Variants in PLXNA4 observed in about 807,000 individuals in gnomAD.
PLXNA4 encodes plexin A4.
Under a neutral mutation model 191.8 loss-of-function variants are expected in PLXNA4, and 44 were observed. The observed-to-expected ratio is 0.23, with a 90% CI of 0.18 to 0.29. The LOEUF is 0.29. Ranked by LOEUF, PLXNA4 falls within the 10% of genes least tolerant of loss-of-function variation. PLXNA4 has a pLI of 1.00. For missense variants in PLXNA4, 1,800 were observed against 2,488.8 expected (o/e 0.72, Z 5.89); for synonymous variants, 1,082 against 1,009.5 (o/e 1.07, Z -1.36).
chr7:132,447,081 T>C (rs1180834369), intron 3 of PLXNA4, among the ~76,000 whole-genome samples: 1 of 152,202 alleles, frequency 6.6e-6, no homozygotes, highest in Non-Finnish European at 1.5e-5. Flanking sequence ...TCCTGACATC[T>C]GAAATTCAGC....
At chr7:132,489,192 G>T in intron 3 of PLXNA4, 100 bp downstream of exon 3, 1 of 1,265,008 alleles carries the variant, frequency 7.9e-7, no homozygotes, top group Non-Finnish European at 1.1e-6. Flanking sequence ...TGTATCACCT[G>T]CCCACACGCC....
intron 23 of PLXNA4, 114 bp from the exon 24 acceptor site, chr7:132,164,402 C>G: frequency 6.9e-7 from 1 of 1,446,986 alleles, no homozygotes; most frequent in South Asian, 1.4e-5. Flanking sequence ...TGCACCTGCC[C>G]CCACCTGCTT....
intron 3 of PLXNA4, among the ~76,000 whole-genome samples, chr7:132,443,848 G>GT (rs1485995466): frequency 6.6e-6 from 1 of 152,176 alleles, no homozygotes; most frequent in East Asian, 1.9e-4. Flanking sequence ...CAAAAAATGT[G>GT]TGCTTCCATT....
At chr7:132,388,747 C>T (rs1024072152) in intron 3 of PLXNA4, among the ~76,000 whole-genome samples, 3 of 152,206 alleles carry the variant, frequency 2.0e-5, no homozygotes, top group Non-Finnish European at 4.4e-5. Flanking sequence ...CAGAAACTGT[C>T]TCAACCTTTG....
intron 24 of PLXNA4, among the ~76,000 whole-genome samples, chr7:132,160,547 G>A (rs573755172): frequency 6.6e-6 from 1 of 152,326 alleles, no homozygotes; most frequent in African/African-American, 2.4e-5. Context: ...GACTGGAGGG[G>A]AACGGGGTGG....
At chr7:132,407,239 C>T (rs1794258297) in intron 3 of PLXNA4, among the ~76,000 whole-genome samples, 1 of 152,198 alleles carries the variant, frequency 6.6e-6, no homozygotes, top group African/African-American at 2.4e-5. Context: ...TTCTGGGACA[C>T]CCCACCCCTG....
At chr7:132,134,901 C>T (rs944240681) in intron 30 of PLXNA4, among the ~76,000 whole-genome samples, 15 of 152,146 alleles carry the variant, frequency 9.9e-5, no homozygotes, top group African/African-American at 2.7e-4. Flanking sequence ...CTGTTCTCTT[C>T]GAGGCCTGTG....
chr7:132,503,875 T>A (rs1798353230), intron 2 of PLXNA4, among the ~76,000 whole-genome samples: 1 of 152,086 alleles, frequency 6.6e-6, no homozygotes, highest in Non-Finnish European at 1.5e-5. Context: ...ACTAACCCAC[T>A]TGTTCTGGGA....
At chr7:132,360,477 A>T (rs1033323255) in intron 3 of PLXNA4, among the ~76,000 whole-genome samples, 3 of 152,248 alleles carry the variant, frequency 2.0e-5, no homozygotes, top group Admixed American at 2.0e-4. Context: ...CTAAAAATAC[A>T]GATCAGATAC....
At chr7:132,281,968 A>G (rs1800494425) in intron 4 of PLXNA4, among the ~76,000 whole-genome samples, 1 of 152,188 alleles carries the variant, frequency 6.6e-6, no homozygotes, top group South Asian at 2.1e-4. Context: ...AATTTGTTGT[A>G]GTATGTTGAA....
At chr7:132,599,974 G>T (rs12534648) in intron 2 of PLXNA4, among the ~76,000 whole-genome samples, 1 of 152,132 alleles carries the variant, frequency 6.6e-6, no homozygotes, top group East Asian at 1.9e-4. Flanking sequence ...AATACGATAA[G>T]TTATGTTAAT....
chr7:132,503,419 C>T (rs1294879703), intron 2 of PLXNA4, among the ~76,000 whole-genome samples: 2 of 152,232 alleles, frequency 1.3e-5, no homozygotes, highest in African/African-American at 4.8e-5. Flanking sequence ...TAACCCTATG[C>T]CTGGGGAATT....
Position 132,203,383 on chromosome 7 carries a change from C to T in PLXNA4, c.2335G>A (p.Val779Met), listed in dbSNP as rs771286720. ...CCATTCCACACGACTGTCAACTCCA[C>T]GGGCAGGTTGTTGATCTCCATCCCT... ...YEGMEINNLP[V>M]ELTVVWNGHF... The change falls in exon 11 of 32, where the codon GTG becomes ATG. Residue 779 changes from valine to methionine, a missense_variant. Val to Met is a conservative substitution (Grantham distance 21, BLOSUM62 1). Transcript: ENST00000321063. 37 of 1,614,020 alleles carry T rather than the reference C, an allele frequency of 2.3e-5. 1 individual carries two copies. Among genetic ancestry groups the T allele is most frequent in the Admixed American group, 6.7e-5 (4 of 60,008 alleles).
At chr7:132,206,833 A>G (rs1054621222) in intron 10 of PLXNA4, among the ~76,000 whole-genome samples, 1 of 152,114 alleles carries the variant, frequency 6.6e-6, no homozygotes, top group African/African-American at 2.4e-5. Context: ...GCATTTATAT[A>G]GCTCTCTGTA....
At chr7:132,180,497 A>G (rs779022318) in intron 19 of PLXNA4, 89 bp downstream of exon 19, 12 of 1,571,266 alleles carry the variant, frequency 7.6e-6, no homozygotes, top group Non-Finnish European at 9.5e-6. Flanking sequence ...TGTGGGACAG[A>G]ATCCCCTCTT....
intron 4 of PLXNA4, among the ~76,000 whole-genome samples, chr7:132,257,609 G>A (rs1799477535): frequency 6.6e-6 from 1 of 152,180 alleles, no homozygotes; most frequent in African/African-American, 2.4e-5. Flanking sequence ...ATCCTGTCTT[G>A]GGGCCAAGGG....
chr7:132,600,672 C>T (rs1802800875), intron 2 of PLXNA4, among the ~76,000 whole-genome samples: 2 of 152,184 alleles, frequency 1.3e-5, no homozygotes, highest in African/African-American at 4.8e-5. Flanking sequence ...GGCACCCTGC[C>T]TCTCATTTTT....
chr7:132,227,297 C>T (rs1798358634), intron 7 of PLXNA4, among the ~76,000 whole-genome samples, 154 bp downstream of exon 7: 1 of 152,236 alleles, frequency 6.6e-6, no homozygotes, highest in African/African-American at 2.4e-5. Context: ...GAGATCCCAT[C>T]CCCCTCTTCC....
At chr7:132,394,149 G>T (rs1015882928) in intron 3 of PLXNA4, among the ~76,000 whole-genome samples, 1 of 152,174 alleles carries the variant, frequency 6.6e-6, no homozygotes, top group African/African-American at 2.4e-5. Flanking sequence ...AACAGTTTGT[G>T]CTCATGCAAA....
Sources: gnomAD v4.1 joint callset for allele counts (sites outside exome capture counted in the v4.1 genomes callset) on GRCh38, gnomAD v4.1.1 for gene constraint, MANE v1.5 for transcripts, NCBI Gene and HGNC (gene_info 2026-07-23, HGNC 2026-07-21) for gene names.